PPP6R3: variants seen among roughly 807,000 people sequenced by gnomAD.
PPP6R3 encodes the protein protein phosphatase 6 regulatory subunit 3.
In PPP6R3, 38 loss-of-function variants were observed where a neutral mutation model predicts 110.7. That is an observed-to-expected ratio of 0.34 (90% confidence interval 0.26 to 0.45). The LOEUF (loss-of-function observed/expected upper bound fraction) is 0.45, where lower values mean the gene tolerates loss of function less well. Among genes scored for constraint, PPP6R3 ranks in the 20% least tolerant of loss-of-function variants. The pLI, the probability that PPP6R3 is intolerant of heterozygous loss-of-function variation, is 1.00. For missense variants in PPP6R3, 870 were observed against 1,062.4 expected (o/e 0.82, Z 2.52); for synonymous variants, 369 against 373.5 (o/e 0.99, Z 0.14).
intron 23 of PPP6R3, among the ~76,000 whole-genome samples, chr11:68,612,619 C>CCTT (rs1468074706): frequency 6.6e-6 from 1 of 151,240 alleles, no homozygotes; most frequent in Non-Finnish European, 1.5e-5. Context: ...CCTTTCCTTT[C>CCTT]CTTTTTTCCC....
At chr11:68,577,608 A>G (rs1401336157) in intron 14 of PPP6R3, among the ~76,000 whole-genome samples, 1 of 152,232 alleles carries the variant, frequency 6.6e-6, no homozygotes, top group Non-Finnish European at 1.5e-5. Context: ...TGTAATAAAG[A>G]AGGACTTCAT....
chr11:68,547,614 T>G (rs1056819815), intron 4 of PPP6R3, among the ~76,000 whole-genome samples: 1 of 152,206 alleles, frequency 6.6e-6, no homozygotes, highest in African/African-American at 2.4e-5. Context: ...TTGACTAGAG[T>G]AGAAATCTTT....
intron 1 of PPP6R3, among the ~76,000 whole-genome samples, chr11:68,478,319 G>T (rs901550245): frequency 1.4e-4 from 22 of 152,148 alleles, no homozygotes; most frequent in African/African-American, 4.6e-4. Context: ...GAGATTTAGA[G>T]GTGTGAGCCC....
Position 68,615,192 on chromosome 11 carries a change from C to T in PPP6R3, c.*2075C>T. 1 of 431,802 alleles carries T rather than the reference C, an allele frequency of 2.3e-6. No homozygotes were observed. The highest frequency in any genetic ancestry group is 4.7e-6 in the Non-Finnish European group (1 of 213,630). 26.7% of individuals were successfully genotyped at this position (431,802 alleles called of 1,614,324 possible). ...GAGGTTGGAGGGGCCAAGCCAAGGA[C>T]AGGAGCAAGTGTGCCCTCATTTTGT... On this transcript the variant is annotated 3_prime_UTR_variant, in exon 24 of 24. Transcript: ENST00000393800.
At chr11:68,542,794 C>T (rs1314539434) in intron 3 of PPP6R3, among the ~76,000 whole-genome samples, 1 of 152,164 alleles carries the variant, frequency 6.6e-6, no homozygotes, top group African/African-American at 2.4e-5. Flanking sequence ...TAACATTATG[C>T]ATGCTTCTTG....
chr11:68,596,098 T>C lies in PPP6R3; in HGVS notation c.1918T>C (p.Ser640Pro). ...TACTTGGGTCTTGTTTTTCCTTAGCTCGGGGAGTACAGACAGTGAGGAAAG... is the reference window on the plus strand; with the variant it reads ...TACTTGGGTCTTGTTTTTCCTTAGCCCGGGGAGTACAGACAGTGAGGAAAG... ...FTPESQRRSS[S>P]GSTDSEESTD... Residue 640 changes from serine to proline, a missense_variant and splice_region_variant, in exon 19 of 24, where the codon TCG becomes CCG. Coordinates refer to ENST00000393800, the MANE Select transcript of PPP6R3 (RefSeq NM_001164161.2). The C allele has an allele frequency of 2.5e-6, 4 of 1,614,118 alleles. No individual in the cohort carries two copies. The highest frequency in any genetic ancestry group is 3.4e-6 in the Non-Finnish European group (4 of 1,180,016).
intron 1 of PPP6R3, among the ~76,000 whole-genome samples, chr11:68,461,752 G>C (rs2098709503): frequency 1.3e-5 from 2 of 152,152 alleles, no homozygotes; most frequent in African/African-American, 2.4e-5. Context: ...TTTTATGGGA[G>C]GGGGTGCTTG....
intron 23 of PPP6R3, among the ~76,000 whole-genome samples, chr11:68,611,844 G>A (rs1025145306): frequency 6.6e-6 from 1 of 152,182 alleles, no homozygotes; most frequent in Admixed American, 6.5e-5. Context: ...AAGCTCACCC[G>A]TCTTTCCTGT....
At chr11:68,516,233 C>G (rs552953504) in intron 1 of PPP6R3, among the ~76,000 whole-genome samples, 1 of 152,134 alleles carries the variant, frequency 6.6e-6, no homozygotes, top group East Asian at 1.9e-4. Context: ...TTGGAAATTT[C>G]GAAATGCTTC....
At position 68,528,023 on chromosome 11, in the gene PPP6R3, T is replaced by A. The variant is rs79514176; in HGVS notation, c.-7+8372T>A. Among the ~76,000 whole-genome samples the A allele has an allele frequency of 7.7e-3, 1,177 of 152,344 alleles. 19 individuals carry two copies. Among genetic ancestry groups the A allele is most frequent in the African/African-American group, 0.027 (1,113 of 41,582 alleles). On this transcript the variant is annotated intron_variant, in intron 2 of 23. Transcript: ENST00000393800. ...TTGGCCAGGTTGTCCTCCCTTGAGC[T>A]ACCTTTCTGTGGAACAAGGTTGAAA...
Position 68,567,179 on chromosome 11 carries a change from C to T in PPP6R3, c.1128+13C>T, listed in dbSNP as rs1334848658. 2 of 1,530,414 alleles carry T rather than the reference C, an allele frequency of 1.3e-6. No homozygotes were observed. Among genetic ancestry groups the T allele is most frequent in the Non-Finnish European group, 1.8e-6 (2 of 1,136,290 alleles). 94.8% of individuals were successfully genotyped at this position (1,530,414 alleles called of 1,614,324 possible). A position where few individuals can be genotyped will look rare whatever the true frequency, so the allele number is the denominator to read the frequency against. ...TGGAGTCATATTGGTGAGATTTTCC[C>T]TGCTCACAGACATTTTAATTTGCCA... On this transcript the variant is annotated intron_variant, in intron 10 of 23. Coordinates refer to ENST00000393800, the MANE Select transcript of PPP6R3 (RefSeq NM_001164161.2).
chr11:68,613,144 A>C lies in PPP6R3; in HGVS notation c.*27A>C. The C allele has an allele frequency of 6.2e-7, 1 of 1,613,728 alleles. No homozygotes were observed. Among genetic ancestry groups the C allele is most frequent in the Non-Finnish European group, 8.5e-7 (1 of 1,179,894 alleles). On this transcript the variant is annotated 3_prime_UTR_variant, in exon 24 of 24. Transcript: ENST00000393800. ...GGGTGACGTCTGCTGCTGCTGACTG[A>C]GGACTGCAGACCGCCACCACTCAGG...
chr11:68,595,881 G>C (rs2099612545), intron 18 of PPP6R3, among the ~76,000 whole-genome samples: 1 of 152,186 alleles, frequency 6.6e-6, no homozygotes, highest in South Asian at 2.1e-4. Flanking sequence ...TTTAAGCAGA[G>C]CCCATGTGTT....
chr11:68,529,524 A>G (rs1200334309), intron 2 of PPP6R3, among the ~76,000 whole-genome samples: 1 of 152,160 alleles, frequency 6.6e-6, no homozygotes, highest in East Asian at 1.9e-4. Context: ...GCCGGCATGC[A>G]TCTGTTTTTA....
chr11:68,581,407 G>A (rs2099553981), intron 14 of PPP6R3, among the ~76,000 whole-genome samples: 3 of 152,286 alleles, frequency 2.0e-5, no homozygotes, highest in Middle Eastern at 3.4e-3. Context: ...AGGATACATC[G>A]AATCCTATTT....
chr11:68,567,223 T>G, intron 10 of PPP6R3, 57 bp downstream of exon 10: 1 of 1,461,018 alleles, frequency 6.8e-7, no homozygotes. Context: ...TCATGGATAT[T>G]TAACCAAGTT....
intron 1 of PPP6R3, among the ~76,000 whole-genome samples, chr11:68,492,497 A>G (rs1194217904): frequency 6.6e-6 from 1 of 152,200 alleles, no homozygotes; most frequent in Non-Finnish European, 1.5e-5. Flanking sequence ...TATATACAAC[A>G]TTGGTTATCC....
intron 4 of PPP6R3, among the ~76,000 whole-genome samples, chr11:68,545,347 A>C (rs1185964903): frequency 6.6e-6 from 1 of 152,252 alleles, no homozygotes; most frequent in Non-Finnish European, 1.5e-5. Flanking sequence ...ATAACTAAGC[A>C]GTTGAATATG....
intron 13 of PPP6R3, among the ~76,000 whole-genome samples, chr11:68,575,065 C>G (rs1195240851): frequency 6.6e-6 from 1 of 152,204 alleles, no homozygotes; most frequent in East Asian, 1.9e-4. Flanking sequence ...AATTTTGCTT[C>G]TTGAGAGAGG....
Sources: gnomAD v4.1 joint callset for allele counts (sites outside exome capture counted in the v4.1 genomes callset) on GRCh38, gnomAD v4.1.1 for gene constraint, MANE v1.5 for transcripts, NCBI Gene and HGNC (gene_info 2026-07-23, HGNC 2026-07-21) for gene names.